Variants in TANC2 observed in about 807,000 individuals in gnomAD.
TANC2 encodes the protein tetratricopeptide repeat, ankyrin repeat and coiled-coil containing 2.
Under a neutral mutation model 210.5 loss-of-function variants are expected in TANC2, and 26 were observed. The ratio of observed to expected loss-of-function variants is 0.12; its 90% CI spans 0.09 to 0.17. The LOEUF is 0.17. Among genes scored for constraint, TANC2 ranks in the 10% least tolerant of loss-of-function variants. TANC2 has a pLI of 1.00. For synonymous variants in TANC2, 931 were observed against 967.1 expected (o/e 0.96, Z 0.69); for missense variants, 2,129 against 2,608.9 (o/e 0.82, Z 4.01).
At position 63,421,434 on chromosome 17, in the gene TANC2, A is replaced by T; in HGVS notation, c.5704A>T (p.Arg1902Trp). 1 of 1,614,014 alleles carries T rather than the reference A, an allele frequency of 6.2e-7. No homozygotes were observed. The highest frequency in any genetic ancestry group is 1.1e-5 in the South Asian group (1 of 91,086). The change falls in exon 28 of 28, where the codon AGG becomes TGG. Residue 1902 changes from arginine (R) to tryptophan (W), a missense_variant. Arg to Trp is a moderately radical substitution (Grantham distance 101, BLOSUM62 -3). This residue lies in a region of TANC2 where 584 missense variants were observed against 627.3 expected (regional missense o/e 0.93). Coordinates refer to ENST00000689528, the Ensembl canonical transcript of TANC2. This position sits in a 1 kb window ranked among gnomAD's most constrained non-coding sequence, Gnocchi z 6.9. ...GATCCCACTGAAACCTGCATATGAG[A>T]GGTCATGTGACGAGCTGTCGCCAGT...
chr17:63,307,699 T>C (rs969133035), intron 9 of TANC2, among the ~76,000 whole-genome samples: 2 of 152,220 alleles, frequency 1.3e-5, no homozygotes, highest in African/African-American at 4.8e-5. Flanking sequence ...CAATTTTGTT[T>C]AATGCATTTG....
intron 4 of TANC2, among the ~76,000 whole-genome samples, chr17:63,123,592 T>C (rs2038574976): frequency 1.3e-5 from 2 of 150,876 alleles, no homozygotes; most frequent in South Asian, 4.2e-4. Flanking sequence ...AAATGTGTTT[T>C]CAGCACTTTG....
At chr17:63,357,265 G>A (rs2046807523) in intron 14 of TANC2, among the ~76,000 whole-genome samples, 2 of 152,188 alleles carry the variant, frequency 1.3e-5, no homozygotes, top group African/African-American at 4.8e-5. Flanking sequence ...TGAGGTCCAA[G>A]GCAACCAGAC....
chr17:63,314,640 C>T lies in TANC2; in HGVS notation c.1412C>T (p.Ala471Val), dbSNP rs1334014676. ...CATGGTACAAGGATGAGACAGATCG[C>T]CTCAGACAGCCCACATGCCTCCCCC... The change falls in exon 10 of 28, where the codon GCC becomes GTC. Residue 471 changes from alanine to valine, a missense_variant. Ala to Val is a moderately conservative substitution (Grantham distance 64). Coordinates refer to ENST00000689528, the Ensembl canonical transcript of TANC2. The T allele has an allele frequency of 6.2e-7, 1 of 1,613,918 alleles. No homozygotes were observed.
At chr17:63,091,337 G>A (rs932169883) in intron 3 of TANC2, among the ~76,000 whole-genome samples, 2 of 152,122 alleles carry the variant, frequency 1.3e-5, no homozygotes, top group African/African-American at 4.8e-5. Flanking sequence ...GGTTTTTATG[G>A]TTTTAGGTCT....
At chr17:63,081,891 A>C (rs2036785867) in intron 3 of TANC2, among the ~76,000 whole-genome samples, 1 of 152,188 alleles carries the variant, frequency 6.6e-6, no homozygotes, top group African/African-American at 2.4e-5. Context: ...AAGGCCGGGC[A>C]CGGTGCCTCA....
intron 15 of TANC2, among the ~76,000 whole-genome samples, chr17:63,380,062 A>G (rs2047555532): frequency 6.6e-6 from 1 of 152,226 alleles, no homozygotes; most frequent in African/African-American, 2.4e-5. Flanking sequence ...ATCATTGACA[A>G]GGTGCATATA....
intron 2 of TANC2, among the ~76,000 whole-genome samples, chr17:63,064,455 T>C (rs370943371): frequency 6.6e-6 from 1 of 152,128 alleles, no homozygotes. Flanking sequence ...CGAGACCCTA[T>C]CTGAAAAACA....
rs907797238 is a variant in TANC2 at position 63,278,880 on chromosome 17, A to G, written c.1159+11007A>G. On this transcript the variant is annotated intron_variant, in intron 9 of 27. Transcript: ENST00000689528. Reference sequence around the variant, plus strand: ...ACAAATATGACATGATTCCACTTACATGAGGCATCTAAAGTAACCATCAGA... The same window carrying G: ...ACAAATATGACATGATTCCACTTACGTGAGGCATCTAAAGTAACCATCAGA... Among the ~76,000 whole-genome samples, 6 of 152,156 alleles carry G rather than the reference A, an allele frequency of 3.9e-5. No homozygotes were observed. The East Asian group carries it at 9.6e-4, about 24-fold the overall frequency.
chr17:63,050,328 G>C (rs886418340), intron 2 of TANC2, among the ~76,000 whole-genome samples: 1 of 148,964 alleles, frequency 6.7e-6, no homozygotes, highest in African/African-American at 2.5e-5. Context: ...CAGCACTTCA[G>C]CCTGGGCAAC....
intron 25 of TANC2, chr17:63,414,395 T>C (rs970658355): frequency 4.6e-5 from 7 of 152,224 alleles, no homozygotes; most frequent in Admixed American, 4.6e-4. Flanking sequence ...CAGAATTCTA[T>C]CTTCTAAGTA....
intron 14 of TANC2, among the ~76,000 whole-genome samples, chr17:63,358,413 A>ATGTG (rs1321123550): frequency 4.3e-5 from 3 of 69,436 alleles, no homozygotes; most frequent in Non-Finnish European, 6.2e-5. Flanking sequence ...GTGTGTGTGT[A>ATGTG]TGTGTGTGTG....
chr17:63,077,129 C>T (rs2036597783), intron 3 of TANC2, among the ~76,000 whole-genome samples: 1 of 151,892 alleles, frequency 6.6e-6, no homozygotes, highest in Non-Finnish European at 1.5e-5. Context: ...CCAAACAGAT[C>T]GTTCATGCTT....
At chr17:62,978,311 A>G (rs548661355) in intron 1 of TANC2, among the ~76,000 whole-genome samples, 8 of 152,320 alleles carry the variant, frequency 5.3e-5, no homozygotes, top group African/African-American at 1.9e-4. Flanking sequence ...TGAGATAAAA[A>G]CTACATGATT....
chr17:63,141,897 A>G (rs1384055663), intron 4 of TANC2, among the ~76,000 whole-genome samples: 3 of 152,222 alleles, frequency 2.0e-5, no homozygotes. Flanking sequence ...CCGTCTATAG[A>G]TGTAATGTTG....
chr17:63,342,160 CT>C (rs1309608311), intron 12 of TANC2, among the ~76,000 whole-genome samples: 1 of 151,872 alleles, frequency 6.6e-6, no homozygotes, highest in African/African-American at 2.4e-5. Flanking sequence ...ACATTAGATC[CT>C]TTTTCAAAAT....
At chr17:63,277,635 A>G (rs1210741234) in intron 9 of TANC2, among the ~76,000 whole-genome samples, 1 of 152,014 alleles carries the variant, frequency 6.6e-6, no homozygotes, top group Non-Finnish European at 1.5e-5. Context: ...AAATTAACTC[A>G]TTGATACTTA....
chr17:63,138,215 C>A (rs1298219925), intron 4 of TANC2, among the ~76,000 whole-genome samples: 1 of 152,182 alleles, frequency 6.6e-6, no homozygotes, highest in Non-Finnish European at 1.5e-5. Flanking sequence ...CTGTAAGATA[C>A]TGTTGGAACT....
chr17:63,031,829 CTACATGGAG>C (rs1160538120), intron 2 of TANC2, among the ~76,000 whole-genome samples: 1 of 152,102 alleles, frequency 6.6e-6, no homozygotes, highest in Non-Finnish European at 1.5e-5. Context: ...GATGAACCTT[CTACATGGAG>C]TACTAAGGGA....
Sources: gnomAD v4.1 joint callset for allele counts (sites outside exome capture counted in the v4.1 genomes callset) on GRCh38, gnomAD v4.1.1 for gene constraint, gnomAD v4.1.1 regional missense constraint, Gnocchi (gnomAD v3.1) non-coding constraint, MANE v1.5 for transcripts, NCBI Gene and HGNC (gene_info 2026-07-23, HGNC 2026-07-21) for gene names.